Variants in MON2 observed in about 807,000 individuals in gnomAD.
MON2 encodes MON2 regulator of endosome-to-Golgi trafficking, also known as protein MON2 homolog.
Under a neutral mutation model 208.6 loss-of-function variants are expected in MON2, and 84 were observed. The ratio of observed to expected loss-of-function variants is 0.40; its 90% CI spans 0.34 to 0.48. MON2 has a LOEUF of 0.48. Among genes scored for constraint, MON2 ranks in the 20% least tolerant of loss-of-function variants. MON2 has a pLI of 0.59. For synonymous variants in MON2, 660 were observed against 694.0 expected, an observed-to-expected ratio of 0.95 and a Z score of 0.77; for missense variants, 1,611 against 2,015.4, an observed-to-expected ratio of 0.80 and a Z score of 3.84.
rs2136231710 is a variant in MON2 at position 62,535,533 on chromosome 12, A to G, written c.1724A>G (p.Glu575Gly). ...LSLLLDASTDEAATENILKAE... is the reference protein window; with the variant it reads ...LSLLLDASTDGAATENILKAE... ...AAATACTTTCTTTTCAGCACAGATG[A>G]AGCTGCCACTGAGAATATTTTAAAA... The change falls in exon 14 of 35, where the codon GAA becomes GGA. Residue 575 changes from glutamate (E) to glycine (G), a missense_variant. Physicochemically the swap from Glu to Gly is moderately conservative, Grantham distance 98. Coordinates refer to ENST00000393630, the MANE Select transcript of MON2 (RefSeq NM_015026.3). 1 of 1,602,944 alleles carries G rather than the reference A, an allele frequency of 6.2e-7. No homozygotes were observed. Among genetic ancestry groups the G allele is most frequent in the East Asian group, 2.2e-5 (1 of 44,692 alleles).
intron 29 of MON2, among the ~76,000 whole-genome samples, chr12:62,569,808 A>G (rs1015869435): frequency 6.6e-6 from 1 of 152,154 alleles, no homozygotes; most frequent in Non-Finnish European, 1.5e-5. Flanking sequence ...GGAAGGGGAT[A>G]AATAGATTCT....
chr12:62,484,055 G>A, intron 1 of MON2, 115 bp from the exon 2 acceptor site: 1 of 709,658 alleles, frequency 1.4e-6, no homozygotes, highest in Admixed American at 2.5e-5. Flanking sequence ...TAAAAAGGTG[G>A]TAGGGTAGTG....
At chr12:62,504,241 TTTTC>T (rs1469868608) in intron 7 of MON2, among the ~76,000 whole-genome samples, 2 of 129,146 alleles carry the variant, frequency 1.5e-5, no homozygotes, top group Non-Finnish European at 3.1e-5. Flanking sequence ...TTTTCTTTTC[TTTTC>T]TTTTTTTTTT....
At chr12:62,585,108 CACAA>C (rs761688737) in intron 32 of MON2, among the ~76,000 whole-genome samples, 182 bp from the exon 33 acceptor site, 3 of 30,766 alleles carry the variant, frequency 9.8e-5, no homozygotes, top group Admixed American at 2.8e-4. Flanking sequence ...CACACACACA[CACAA>C]AACAAAAAAA....
At position 62,494,034 on chromosome 12, in the gene MON2, G is replaced by A. The variant is rs538767104; in HGVS notation, c.295G>A (p.Val99Met). ...AIQRLMSHEV[V>M]SETAAGNIIN... ...TCAGAGACTCATGTCACATGAAGTCGTGTCTGAGGTAATATGAAGATTTTA... is the reference window on the plus strand; with the variant it reads ...TCAGAGACTCATGTCACATGAAGTCATGTCTGAGGTAATATGAAGATTTTA... The change falls in exon 3 of 35, where the codon GTG becomes ATG. Residue 99 changes from valine (V) to methionine (M), a missense_variant. By Grantham distance (21) the Val-to-Met change is conservative. Transcript: ENST00000393630. 6 of 1,610,934 alleles carry A rather than the reference G, an allele frequency of 3.7e-6. No individual in the cohort carries two copies. The highest frequency in any genetic ancestry group is 2.2e-5 in the East Asian group (1 of 44,790).
At chr12:62,585,126 A>C (rs1193608993) in intron 32 of MON2, among the ~76,000 whole-genome samples, 168 bp from the exon 33 acceptor site, 2 of 99,184 alleles carry the variant, frequency 2.0e-5, no homozygotes, top group Admixed American at 2.0e-4. Flanking sequence ...AAAAAAAAAC[A>C]AAAAAAAAAC....
At chr12:62,550,381 G>A (rs1227928355) in intron 23 of MON2, among the ~76,000 whole-genome samples, 1 of 152,096 alleles carries the variant, frequency 6.6e-6, no homozygotes, top group African/African-American at 2.4e-5. Flanking sequence ...AATTAGCTGT[G>A]TATGGTGGTG....
At chr12:62,523,167 A>G (rs534785600) in intron 8 of MON2, among the ~76,000 whole-genome samples, 5 of 152,286 alleles carry the variant, frequency 3.3e-5, no homozygotes, top group South Asian at 2.1e-4. Flanking sequence ...CTGTTGTCCA[A>G]TGAGTCACTA....
rs771623748 is a variant in MON2, at chr12:62,494,016, C to G, written c.277C>G (p.Leu93Val). 10 of 1,612,966 alleles carry G rather than the reference C, an allele frequency of 6.2e-6. No homozygotes were observed. In the Admixed American group the frequency reaches 1.7e-4, roughly 27 times the overall value. ...GCTATGTTTGGCTGCTATTCAGAGA[C>G]TCATGTCACATGAAGTCGTGTCTGA... ...TQLCLAAIQR[L>V]MSHEVVSETA... The change falls in exon 3 of 35, where the codon CTC (leucine) becomes GTC (valine). Residue 93 changes from leucine (L) to valine (V), a missense_variant. Transcript: ENST00000393630.
chr12:62,483,761 G>C (rs912484043), intron 1 of MON2, among the ~76,000 whole-genome samples: 1 of 152,128 alleles, frequency 6.6e-6, no homozygotes, highest in African/African-American at 2.4e-5. Context: ...ACTTGATTTT[G>C]CAGTGTTCTA....
intron 11 of MON2, among the ~76,000 whole-genome samples, chr12:62,527,802 C>T (rs2072410684): frequency 6.8e-6 from 1 of 147,080 alleles, no homozygotes; most frequent in Non-Finnish European, 1.5e-5. Flanking sequence ...TAATACTGAG[C>T]AGACACATAA....
At chr12:62,579,337 G>T (rs1220238859) in intron 31 of MON2, among the ~76,000 whole-genome samples, 2 of 152,076 alleles carry the variant, frequency 1.3e-5, no homozygotes, top group African/African-American at 4.8e-5. Context: ...TGTGGTTGTG[G>T]ATTTTTTTGT....
rs375640694 is a variant in MON2 at position 62,569,471 on chromosome 12, A to G, written c.4324-1921A>G. 2.6e-5 allele frequency among the ~76,000 whole-genome samples: 4 copies of G among 152,224 alleles called. No homozygotes were observed. The East Asian group carries it at 5.8e-4, about 22-fold the overall frequency. On this transcript the variant is annotated intron_variant, in intron 29 of 34. Coordinates refer to ENST00000393630, the MANE Select transcript of MON2 (RefSeq NM_015026.3). ...ATTTCTTTCTCCAGAAAGTTCTGCT[A>G]AGAATTGACCATATCGTTTCTCTTC...
chr12:62,548,369 CAAGG>C (rs2073592016), intron 22 of MON2, among the ~76,000 whole-genome samples: 1 of 152,020 alleles, frequency 6.6e-6, no homozygotes, highest in Non-Finnish European at 1.5e-5. Context: ...AGGGAAAAGA[CAAGG>C]AAGAGCAAAT....
chr12:62,493,832 A>G (rs895260468), intron 2 of MON2, 83 bp from the exon 3 acceptor site: 7 of 1,050,784 alleles, frequency 6.7e-6, no homozygotes, highest in African/African-American at 1.6e-5. Context: ...TGAGATCGCT[A>G]TTACTGGTTG....
chr12:62,494,244 A>C (rs543700630), intron 3 of MON2, among the ~76,000 whole-genome samples: 13 of 152,334 alleles, frequency 8.5e-5, no homozygotes, highest in African/African-American at 3.1e-4. Flanking sequence ...GTCATTTGTA[A>C]TCTAAGAAGT....
At chr12:62,583,371 A>C (rs1442681678) in intron 32 of MON2, among the ~76,000 whole-genome samples, 7 of 144,336 alleles carry the variant, frequency 4.8e-5, no homozygotes, top group African/African-American at 1.6e-4. Flanking sequence ...ACTCATAGAA[A>C]CTAAAGATGT....
chr12:62,489,957 AT>A, intron 2 of MON2: 1 of 889,712 alleles, frequency 1.1e-6, no homozygotes, highest in Non-Finnish European at 1.5e-6. Context: ...GGCTGTTAAA[AT>A]TTTTCACAAT....
intron 2 of MON2, among the ~76,000 whole-genome samples, chr12:62,486,721 T>C (rs1288348327): frequency 2.0e-5 from 3 of 152,068 alleles, no homozygotes; most frequent in South Asian, 4.1e-4. Context: ...TTTTTAAAAT[T>C]TCATGAGAAG....
Sources: allele counts gnomAD v4.1 joint callset (sites outside exome capture counted in the v4.1 genomes callset), GRCh38; gene constraint gnomAD v4.1.1; transcripts MANE v1.5; gene names NCBI Gene and HGNC (gene_info 2026-07-23, HGNC 2026-07-21).